ATXN8OS: variants seen among roughly 807,000 people sequenced by gnomAD.
The protein encoded by ATXN8OS is ATXN8 opposite strand (non-protein coding).
intron 4 of ATXN8OS, among the ~76,000 whole-genome samples, chr13:70,148,987 A>G (rs183769914): frequency 1.3e-5 from 2 of 152,272 alleles, no homozygotes; most frequent in South Asian, 2.1e-4. Flanking sequence ...ATCTCAACTA[A>G]TAAAAGAATG....
chr13:70,126,850 A>G (rs1888444630), intron 2 of ATXN8OS, among the ~76,000 whole-genome samples: 1 of 151,770 alleles, frequency 6.6e-6, no homozygotes, highest in African/African-American at 2.4e-5. Context: ...GTATCTATAT[A>G]TCAACAGATA....
chr13:70,139,155 C>G, intron 3 of ATXN8OS: 1 of 412,836 alleles, frequency 2.4e-6, no homozygotes, highest in Non-Finnish European at 4.3e-6. Context: ...ACCATCTTGA[C>G]CTGTCATTCT....
At chr13:70,107,650 A>G (rs776718823), upstream of ATXN8OS, 3 of 1,550,318 alleles carry the variant, frequency 1.9e-6, no homozygotes, top group Non-Finnish European at 1.7e-6. Flanking sequence ...TTTCCAGCGG[A>G]GTCGCAGAAT....
At chr13:70,125,569 T>C (rs777947925) in intron 2 of ATXN8OS, among the ~76,000 whole-genome samples, 4 of 152,218 alleles carry the variant, frequency 2.6e-5, no homozygotes, top group Non-Finnish European at 4.4e-5. Flanking sequence ...TGAGTTTTTG[T>C]TGATGCCCAT....
chr13:70,138,828 CACG>C (rs1208865298), intron 3 of ATXN8OS, among the ~76,000 whole-genome samples: 18 of 151,930 alleles, frequency 1.2e-4, no homozygotes, highest in Non-Finnish European at 2.4e-4. Flanking sequence ...AAGTCTAGTA[CACG>C]ATAATTCTCA....
intron 4 of ATXN8OS, among the ~76,000 whole-genome samples, chr13:70,163,476 C>A (rs777222382): frequency 1.2e-4 from 19 of 152,004 alleles, no homozygotes; most frequent in Non-Finnish European, 2.9e-5. Context: ...TCAAGGTTTC[C>A]CTGCTGGTCT....
intron 1 of ATXN8OS, among the ~76,000 whole-genome samples, chr13:70,111,658 T>C (rs1225851673): frequency 3.3e-5 from 5 of 152,224 alleles, no homozygotes; most frequent in African/African-American, 1.2e-4. Flanking sequence ...CATAGCAGAA[T>C]TCAAGAATTT....
chr13:70,122,954 CTTTG>C (rs1188166740), intron 2 of ATXN8OS, among the ~76,000 whole-genome samples: 1 of 151,956 alleles, frequency 6.6e-6, no homozygotes, highest in Non-Finnish European at 1.5e-5. Context: ...CTCTTAGAGA[CTTTG>C]TTTTCTAATT....
intron 4 of ATXN8OS, among the ~76,000 whole-genome samples, chr13:70,148,824 T>C (rs1888824807): frequency 1.3e-5 from 2 of 152,084 alleles, no homozygotes; most frequent in South Asian, 2.1e-4. Context: ...TAAGGGCCAA[T>C]ATAATATTTT....
chr13:70,152,229 C>T (rs916903626), intron 4 of ATXN8OS, among the ~76,000 whole-genome samples: 21 of 151,908 alleles, frequency 1.4e-4, no homozygotes, highest in Non-Finnish European at 2.2e-4. Flanking sequence ...CCTTGAAGTT[C>T]GAACTTGAAG....
At chr13:70,129,892 C>T in intron 3 of ATXN8OS, 1 of 398,392 alleles carries the variant, frequency 2.5e-6, no homozygotes, top group Non-Finnish European at 4.4e-6. Context: ...AAGGTAAAAA[C>T]ATCAAAAGGT....
At chr13:70,139,347 G>T in intron 3 of ATXN8OS, 2 of 628,338 alleles carry the variant, frequency 3.2e-6, no homozygotes, top group Non-Finnish European at 2.7e-6. Flanking sequence ...TAGAAAACCT[G>T]GCTTTACTAC....
intron 4 of ATXN8OS, among the ~76,000 whole-genome samples, chr13:70,148,189 A>G (rs1888813872): frequency 6.6e-6 from 1 of 152,128 alleles, no homozygotes; most frequent in Non-Finnish European, 1.5e-5. Flanking sequence ...GAAATCTTTT[A>G]TGGATCAGGA....
At chr13:70,121,284 T>C (rs959486116) in intron 2 of ATXN8OS, among the ~76,000 whole-genome samples, 1 of 152,022 alleles carries the variant, frequency 6.6e-6, no homozygotes. Flanking sequence ...GCAAAGAGGA[T>C]GGGATATCAA....
chr13:70,146,854 T>G (rs570056715), intron 3 of ATXN8OS, among the ~76,000 whole-genome samples: 1 of 152,154 alleles, frequency 6.6e-6, no homozygotes, highest in Non-Finnish European at 1.5e-5. Context: ...GCATGGCACA[T>G]GTATACATAT....
At chr13:70,168,959 TTTG>T (rs1331133685) in intron 4 of ATXN8OS, among the ~76,000 whole-genome samples, 4 of 152,148 alleles carry the variant, frequency 2.6e-5, no homozygotes, top group African/African-American at 4.8e-5. Context: ...GGTTGTTTTG[TTTG>T]TTAACTATAG....
At chr13:70,139,484 A>G in intron 3 of ATXN8OS, 3 of 634,310 alleles carry the variant, frequency 4.7e-6, no homozygotes, top group East Asian at 5.6e-5. Context: ...ATTGTTATAT[A>G]TTTTTCCACA....
chr13:70,148,426 T>C (rs1025929832), intron 4 of ATXN8OS, among the ~76,000 whole-genome samples: 2 of 152,110 alleles, frequency 1.3e-5, no homozygotes, highest in African/African-American at 4.8e-5. Context: ...ATGTTAATAT[T>C]GTTCAGTTTT....
chr13:70,128,546 TAAAAAA>T lies in ATXN8OS; in HGVS notation n.399-1230_399-1225del, dbSNP rs5804478. 4.8e-5 allele frequency among the ~76,000 whole-genome samples: 7 copies of T among 146,318 alleles called. No individual in the cohort carries two copies. The East Asian group carries it at 1.4e-3, about 29-fold the overall frequency. ...CTTCTATTGACTTGAGCTTAAAAAT[TAAAAAA>T]AAAAAAATTACAATCTCAGTAGTGC... On this transcript the variant is annotated intron_variant and non_coding_transcript_variant, in intron 2 of 4. Transcript: ENST00000678624.
Sources: gnomAD v4.1 joint callset for allele counts (sites outside exome capture counted in the v4.1 genomes callset) on GRCh38, gnomAD v4.1.1 for gene constraint, MANE v1.5 for transcripts, NCBI Gene and HGNC (gene_info 2026-07-23, HGNC 2026-07-21) for gene names.